LRRK1: variants seen among roughly 807,000 people sequenced by gnomAD.
The protein encoded by LRRK1 is leucine rich repeat kinase 1.
In LRRK1, 113 loss-of-function variants were observed where a neutral mutation model predicts 209.1. The observed-to-expected ratio is 0.54, with a 90% CI of 0.46 to 0.63. LRRK1 has a LOEUF of 0.63. LRRK1 is among the 30% of genes least tolerant of loss of function. The pLI is 0.00. For missense variants in LRRK1, 2,284 were observed against 2,632.2 expected (o/e 0.87, Z 2.89); for synonymous variants, 1,144 against 1,099.7 (o/e 1.04, Z -0.80).
intron 2 of LRRK1, among the ~76,000 whole-genome samples, chr15:100,965,722 T>C (rs1042325369): frequency 2.0e-5 from 3 of 152,226 alleles, no homozygotes; most frequent in Non-Finnish European, 2.9e-5. Context: ...TCCCTGGTGC[T>C]ATTCATTTAT....
Position 101,053,213 on chromosome 15 carries a change from T to A in LRRK1, c.3857-10T>A. On this transcript the variant is annotated splice_polypyrimidine_tract_variant and intron_variant, in intron 25 of 33. Coordinates refer to ENST00000388948, the MANE Select transcript of LRRK1 (RefSeq NM_024652.6). The stretch of plus-strand genomic sequence containing the variant: ...TGTCCTACTGGCTGACACTGCGCTG[T>A]CCCTGGCAGACACCATGCTGAGGCA... 6.2e-6 allele frequency: 10 copies of A among 1,604,288 alleles called. No individual in the cohort carries two copies. The highest frequency in any genetic ancestry group is 8.5e-6 in the Non-Finnish European group (10 of 1,179,598).
chr15:101,024,877 C>T lies in LRRK1; in HGVS notation c.2142C>T (p.Phe714=). Residue 714 remains phenylalanine (F), a synonymous_variant, in exon 16 of 34, where the codon TTC becomes TTT. Coordinates refer to ENST00000388948, the MANE Select transcript of LRRK1 (RefSeq NM_024652.6). This position sits in a 1 kb window ranked among gnomAD's most constrained non-coding sequence, Gnocchi z 4.6. ...TGGCCACTGTCAACCAGTGCTTCTT[C>T]ACGGACAAGGCCCTGTACGTGGTGG... is the stretch of plus-strand genomic sequence containing the variant. ...ASMATVNQCF[F]TDKALYVVVW... The T allele has an allele frequency of 6.2e-7, 1 of 1,614,216 alleles. No homozygotes were observed. The highest frequency in any genetic ancestry group is 8.5e-7 in the Non-Finnish European group (1 of 1,180,034).
chr15:101,029,366 C>T (rs1052856586), intron 20 of LRRK1, 134 bp downstream of exon 20: 16 of 941,422 alleles, frequency 1.7e-5, no homozygotes, highest in Non-Finnish European at 1.5e-5. Context: ...ACGGACAGGC[C>T]AGCACCCGAT....
At chr15:100,998,566 C>T (rs970210768) in intron 6 of LRRK1, among the ~76,000 whole-genome samples, 1 of 137,130 alleles carries the variant, frequency 7.3e-6, no homozygotes, top group African/African-American at 2.7e-5. Context: ...TTTTGCTCAC[C>T]CTGTGTTTGC....
intron 2 of LRRK1, among the ~76,000 whole-genome samples, chr15:100,937,633 G>C (rs1035650633): frequency 3.3e-5 from 5 of 151,584 alleles, no homozygotes; most frequent in East Asian, 2.0e-4. Context: ...CTCCCAGGTT[G>C]ATGCCATTCT....
chr15:101,061,674 A>AG (rs1185517221), intron 30 of LRRK1, among the ~76,000 whole-genome samples: 1 of 152,212 alleles, frequency 6.6e-6, no homozygotes, highest in Non-Finnish European at 1.5e-5. Flanking sequence ...AGGCCCAAGG[A>AG]GGGGTCTTCT....
chr15:100,954,194 G>A (rs2042709958), intron 2 of LRRK1, among the ~76,000 whole-genome samples: 1 of 152,182 alleles, frequency 6.6e-6, no homozygotes, highest in Non-Finnish European at 1.5e-5. Context: ...GATTACAGGT[G>A]TGAGTCACCG....
intron 22 of LRRK1, 168 bp from the exon 23 acceptor site, chr15:101,049,476 C>A: frequency 1.5e-6 from 1 of 673,586 alleles, no homozygotes; most frequent in Non-Finnish European, 2.4e-6. Flanking sequence ...AAGAACAAGG[C>A]AGGGCCACGC....
At position 100,959,243 on chromosome 15, in the gene LRRK1, C is replaced by T. The variant is rs139114556; in HGVS notation, c.98-14561C>T. On this transcript the variant is annotated intron_variant, in intron 2 of 33. Transcript: ENST00000388948. ...TTACTAATATGCAGAGAGCTCTGGA[C>T]GGTCAACAAATTGAAGTGGAGAGGC... 3.9e-5 allele frequency among the ~76,000 whole-genome samples: 6 copies of T among 152,268 alleles called. No homozygotes were observed. In the East Asian group the frequency reaches 5.8e-4, roughly 15 times the overall value.
At chr15:100,963,711 G>A (rs907820252) in intron 2 of LRRK1, among the ~76,000 whole-genome samples, 8 of 152,182 alleles carry the variant, frequency 5.3e-5, no homozygotes, top group African/African-American at 1.2e-4. Flanking sequence ...AGAACAGGCC[G>A]ACTTCCCGCT....
In LRRK1 at chr15:100,919,381, C is replaced by T. The variant is rs2041975515; in HGVS notation, c.-193C>T. ...CAGACGGCGGTGGGACGGCCAGGCC[C>T]CGGCCCCGCCAGTGTGTCCGCCCGG... is the stretch of plus-strand genomic sequence containing the variant. On this transcript the variant is annotated 5_prime_UTR_variant, in exon 1 of 34. Coordinates refer to ENST00000388948, the MANE Select transcript of LRRK1 (RefSeq NM_024652.6). This position sits in a 1 kb window ranked among gnomAD's most constrained non-coding sequence, Gnocchi z 5.8. 3.3e-5 allele frequency: 5 copies of T among 150,834 alleles called. No homozygotes were observed. In the South Asian group the frequency reaches 7.2e-4, roughly 22 times the overall value. The allele number at this position is 150,834 out of a possible 1,614,324, so 9.3% of individuals were successfully genotyped here.
intron 6 of LRRK1, among the ~76,000 whole-genome samples, chr15:100,994,213 G>A (rs1008402689): frequency 2.6e-5 from 4 of 152,158 alleles, no homozygotes; most frequent in Admixed American, 2.6e-4. Flanking sequence ...ATTTGTCCAA[G>A]GATGACAAAT....
intron 2 of LRRK1, among the ~76,000 whole-genome samples, chr15:100,935,847 C>T (rs118003068): frequency 0.011 from 1,678 of 152,338 alleles, 15 homozygotes; most frequent in Middle Eastern, 0.044. Flanking sequence ...TCTGGCCCCT[C>T]CGTGCTCCTC....
chr15:100,990,225 A>C (rs1567218840), intron 6 of LRRK1, among the ~76,000 whole-genome samples: 1 of 152,176 alleles, frequency 6.6e-6, no homozygotes, highest in Non-Finnish European at 1.5e-5. Flanking sequence ...GACTTCCTCT[A>C]GATCAGTTAT....
chr15:100,983,623 G>A lies in LRRK1; in HGVS notation c.357G>A (p.Thr119=), dbSNP rs367646702. The A allele has an allele frequency of 7.5e-6, 12 of 1,610,114 alleles. No homozygotes were observed. The highest frequency in any genetic ancestry group is 1.7e-4 in the Middle Eastern group (1 of 6,058). The change falls in exon 4 of 34, where the codon ACG becomes ACA. Residue 119 remains threonine (T), a synonymous_variant. Coordinates refer to ENST00000388948, the MANE Select transcript of LRRK1 (RefSeq NM_024652.6). ...TGGTGGAGCTGCCCACCGAGCCCAC[G>A]GATGACAACCCAGCCGTGGTGGCAG... ...KRLVELPTEP[T]DDNPAVVAAY... is the part of the protein sequence containing the mutation.
Position 100,971,342 on chromosome 15 carries a change from AAAAAAAGAAAAGAAAAAG to A in LRRK1, c.98-2456_98-2439del, listed in dbSNP as rs1229472440. 9.5e-3 allele frequency among the ~76,000 whole-genome samples: 1,448 copies of A among 151,828 alleles called. 30 individuals are homozygous for A. Among genetic ancestry groups the A allele is most frequent in the African/African-American group, 0.034 (1,386 of 41,308 alleles). The stretch of plus-strand genomic sequence containing the variant: ...GAGTGAAACTGTGTCTCAAAAAAAA[AAAAAAAGAAAAGAAAAAG>A]AAAAAGAAAAAAGAAGAAGAAAATC... On this transcript the variant is annotated intron_variant, in intron 2 of 33. Coordinates refer to ENST00000388948, the MANE Select transcript of LRRK1 (RefSeq NM_024652.6).
Position 101,064,639 on chromosome 15 carries a change from T to C in LRRK1, c.4915-713T>C, listed in dbSNP as rs3894231. 2.6e-3 allele frequency: 401 copies of C among 152,894 alleles called. 2 individuals are homozygous for C. The highest frequency in any genetic ancestry group is 6.8e-3 in the Middle Eastern group (2 of 296). The allele number at this position is 152,894 out of a possible 1,614,324, so 9.5% of individuals were successfully genotyped here. On this transcript the variant is annotated intron_variant, in intron 31 of 33. Transcript: ENST00000388948. ...GTCAGCTGAACCACAGGCATCTCGATAGATGTAAGCTGGGATGAGGGCTCA... is the reference window on the plus strand; with the variant it reads ...GTCAGCTGAACCACAGGCATCTCGACAGATGTAAGCTGGGATGAGGGCTCA...
intron 2 of LRRK1, among the ~76,000 whole-genome samples, chr15:100,925,688 G>C (rs1210863885): frequency 6.6e-6 from 1 of 152,138 alleles, no homozygotes; most frequent in Non-Finnish European, 1.5e-5. Flanking sequence ...TATGTACCAG[G>C]CACTACATGT....
intron 10 of LRRK1, 33 bp downstream of exon 10, chr15:101,012,178 G>A (rs752176466): frequency 1.3e-5 from 21 of 1,563,798 alleles, no homozygotes; most frequent in African/African-American, 1.2e-4. Flanking sequence ...TCTCATTTTC[G>A]GCTTTTGAGA....
Sources: gnomAD v4.1 joint callset for allele counts (sites outside exome capture counted in the v4.1 genomes callset) on GRCh38, gnomAD v4.1.1 for gene constraint, Gnocchi (gnomAD v3.1) non-coding constraint, MANE v1.5 for transcripts, NCBI Gene and HGNC (gene_info 2026-07-23, HGNC 2026-07-21) for gene names.